NPVF: variants seen among roughly 807,000 people sequenced by gnomAD.
NPVF encodes pro-FMRFamide-related neuropeptide VF.
Under a neutral mutation model 15.7 loss-of-function variants are expected in NPVF, and 17 were observed. The observed-to-expected ratio is 1.08, with a 90% CI of 0.74 to 1.62. The LOEUF (loss-of-function observed/expected upper bound fraction) is 1.62. Ranked by LOEUF, NPVF falls within the 40% of genes most tolerant of loss-of-function variation. The pLI is 0.00. For missense variants in NPVF, 270 were observed against 225.2 expected (o/e 1.20, Z -1.27); for synonymous variants, 70 against 80.1 (o/e 0.87, Z 0.67).
chr7:25,227,559 G>T (rs1390908805), intron 1 of NPVF, among the ~76,000 whole-genome samples: 1 of 152,022 alleles, frequency 6.6e-6, no homozygotes, highest in Non-Finnish European at 1.5e-5. Context: ...CTTACTCAGG[G>T]TACCACTCTA....
Position 25,226,831 on chromosome 7 carries a change from A to T in NPVF, c.334T>A (p.Ser112Thr). ...AGGCTCACCTCCATATTTCTTCCAGATCTCAGAGGCAGGTTGGCTGTTGCT... is the reference window on the plus strand; with the variant it reads ...AGGCTCACCTCCATATTTCTTCCAGTTCTCAGAGGCAGGTTGGCTGTTGCT... Reference protein sequence around the residue: ...AGATANLPLRSGRNMEVSLVR... With the variant: ...AGATANLPLRTGRNMEVSLVR... The change falls in exon 2 of 3, where the codon TCT becomes ACT. Residue 112 changes from serine to threonine, a missense_variant. Physicochemically the swap from Ser to Thr is moderately conservative, Grantham distance 58. Coordinates refer to ENST00000222674, the MANE Select transcript of NPVF (RefSeq NM_022150.3). The T allele has an allele frequency of 6.2e-7, 1 of 1,614,132 alleles. No homozygotes were observed. Among genetic ancestry groups the T allele is most frequent in the Non-Finnish European group, 8.5e-7 (1 of 1,180,014 alleles).
chr7:25,226,151 T>C (rs1204355098), intron 2 of NPVF, among the ~76,000 whole-genome samples: 5 of 152,206 alleles, frequency 3.3e-5, no homozygotes, highest in African/African-American at 1.2e-4. Context: ...TTTCTTAATA[T>C]AAATAATGAT....
rs758679370 is a variant in NPVF, at chr7:25,225,185, G to A, written c.540-12C>T. 1 of 1,609,684 alleles carries A rather than the reference G, an allele frequency of 6.2e-7. No individual in the cohort carries two copies. Among genetic ancestry groups the A allele is most frequent in the Admixed American group, 1.7e-5 (1 of 59,836 alleles). ...TGAATAGCAGTCTCCTAAAATGTAAGCAGTATAAAATGTTGTCACCCATCA... is the reference window on the plus strand; with the variant it reads ...TGAATAGCAGTCTCCTAAAATGTAAACAGTATAAAATGTTGTCACCCATCA... On this transcript the variant is annotated splice_polypyrimidine_tract_variant and intron_variant, in intron 2 of 2. Coordinates refer to ENST00000222674, the MANE Select transcript of NPVF (RefSeq NM_022150.3).
At chr7:25,226,054 A>G (rs528229460) in intron 2 of NPVF, among the ~76,000 whole-genome samples, 7 of 152,310 alleles carry the variant, frequency 4.6e-5, no homozygotes, top group African/African-American at 1.2e-4. Flanking sequence ...TTTTTTAAGC[A>G]TACGCTCTCT....
chr7:25,226,648 T>C lies in NPVF; in HGVS notation c.517A>G (p.Asn173Asp), dbSNP rs1185260880. The C allele has an allele frequency of 1.2e-6, 2 of 1,613,782 alleles. No individual in the cohort carries two copies. Among genetic ancestry groups the C allele is most frequent in the African/African-American group, 2.7e-5 (2 of 74,938 alleles). Residue 173 changes from asparagine to aspartate, a missense_variant, in exon 2 of 3, where the codon AAT becomes GAT. Asn to Asp is a conservative substitution (Grantham distance 23). Coordinates refer to ENST00000222674, the MANE Select transcript of NPVF (RefSeq NM_022150.3). ...TACCTTGACTGTTTTTGATCGGGAT[T>C]CTGGATTTCTTGGTGCTGGCAGGTC... ...SMTCQHQEIQ[N>D]PDQKQSRRLL...
intron 2 of NPVF, among the ~76,000 whole-genome samples, chr7:25,226,150 A>G (rs184471100): frequency 3.9e-5 from 6 of 152,366 alleles, no homozygotes; most frequent in Admixed American, 2.6e-4. Context: ...ATTTCTTAAT[A>G]TAAATAATGA....
intron 2 of NPVF, 90 bp downstream of exon 2, chr7:25,226,536 C>G (rs935886368): frequency 1.4e-5 from 20 of 1,441,572 alleles, no homozygotes; most frequent in Middle Eastern, 3.6e-4. Flanking sequence ...GTCTTAGAAA[C>G]TTATGTTGAA....
rs754240079 is a variant in NPVF at position 25,226,592 on chromosome 7, G to T, written c.539+34C>A. 4 of 1,601,060 alleles carry T rather than the reference G, an allele frequency of 2.5e-6. No homozygotes were observed. The East Asian group carries it at 9.0e-5, about 36-fold the overall frequency. ...GTTTCTAGACCACCTCTATATAACT[G>T]CCCATGCACTTTGACTGGTTTCCAG... On this transcript the variant is annotated intron_variant, in intron 2 of 2. Coordinates refer to ENST00000222674, the MANE Select transcript of NPVF (RefSeq NM_022150.3).
In NPVF at chr7:25,228,296, A is replaced by C. The variant is rs779148474; in HGVS notation, c.138+6T>G. On this transcript the variant is annotated splice_donor_region_variant and intron_variant, in intron 1 of 2. Coordinates refer to ENST00000222674, the MANE Select transcript of NPVF (RefSeq NM_022150.3). ...TACTCACATTAGAGAGATTTAAAAA[A>C]CTTACCTCAGAATATTTGTCATAAT... 1 of 1,441,230 alleles carries C rather than the reference A, an allele frequency of 6.9e-7. No homozygotes were observed. The highest frequency in any genetic ancestry group is 9.7e-7 in the Non-Finnish European group (1 of 1,028,196). The allele number at this position is 1,441,230 out of a possible 1,614,324, so 89.3% of individuals were successfully genotyped here. A position where few individuals can be genotyped will look rare whatever the true frequency, so the allele number is the denominator to read the frequency against.
chr7:25,226,744 A>G lies in NPVF; in HGVS notation c.421T>C (p.Cys141Arg). The G allele has an allele frequency of 6.2e-7, 1 of 1,614,196 alleles. No homozygotes were observed. Among genetic ancestry groups the G allele is most frequent in the African/African-American group, 1.3e-5 (1 of 75,064 alleles). Residue 141 changes from cysteine to arginine, a missense_variant, in exon 2 of 3, where the codon TGC becomes CGC. Cys to Arg is a radical substitution (Grantham distance 180). Transcript: ENST00000222674. ...FGRTTTAKSV[C>R]RMLSDLCQGS... is the part of the protein sequence containing the mutation. Reference sequence around the variant, plus strand: ...TGACACAAATCACTCAGCATCCTGCAGACACTTTTGGCTGTTGTTGTTCTC... The same window carrying G: ...TGACACAAATCACTCAGCATCCTGCGGACACTTTTGGCTGTTGTTGTTCTC...
At position 25,224,674 on chromosome 7, in the gene NPVF, G is replaced by T. The variant is rs771099754; in HGVS notation, c.*448C>A. On this transcript the variant is annotated 3_prime_UTR_variant, in exon 3 of 3. Transcript: ENST00000222674. ...CATTAACATTTGACACGATAGAAAG[G>T]GTGTACAGAAACACGTTTGTAAGTG... 6.4e-6 allele frequency: 1 copy of T among 155,566 alleles called. No individual in the cohort carries two copies. Among genetic ancestry groups the T allele is most frequent in the African/African-American group, 2.4e-5 (1 of 41,450 alleles). 9.6% of individuals were successfully genotyped at this position (155,566 alleles called of 1,614,324 possible).
rs1317217285 is a variant in NPVF, at chr7:25,226,929, T to C, written c.236A>G (p.Asn79Ser). ...GTTGGCGAAGGAGTGTGGCATTTTA[T>C]TGACTGCAGGTGTACTCATCTTAAT... ...NVIKMSTPAV[N>S]KMPHSFANLP... is the part of the protein sequence containing the mutation. The change falls in exon 2 of 3, where the codon AAT (asparagine) becomes AGT (serine). Residue 79 changes from asparagine (N) to serine (S), a missense_variant. Transcript: ENST00000222674. 2 of 1,613,314 alleles carry C rather than the reference T, an allele frequency of 1.2e-6. No homozygotes were observed. Among genetic ancestry groups the C allele is most frequent in the South Asian group, 1.1e-5 (1 of 90,990 alleles).
intron 1 of NPVF, among the ~76,000 whole-genome samples, chr7:25,227,523 C>A (rs548997693): frequency 1.3e-5 from 2 of 152,084 alleles, no homozygotes; most frequent in Non-Finnish European, 2.9e-5. Flanking sequence ...TTGTAGAAGG[C>A]CCAGTGGATT....
At chr7:25,226,444 A>T (rs1266457727) in intron 2 of NPVF, among the ~76,000 whole-genome samples, 182 bp downstream of exon 2, 2 of 152,200 alleles carry the variant, frequency 1.3e-5, no homozygotes, top group African/African-American at 4.8e-5. Flanking sequence ...CATGCTTATT[A>T]TACCTGGCCT....
Position 25,227,692 on chromosome 7 carries a change from T to C in NPVF, c.138+610A>G, listed in dbSNP as rs186199255. 4.1e-3 allele frequency among the ~76,000 whole-genome samples: 623 copies of C among 152,342 alleles called. 2 individuals are homozygous for C. The highest frequency in any genetic ancestry group is 0.014 in the African/African-American group (593 of 41,582). ...CCAACTTTGTAGGAACCATCTCAAA[T>C]ACAGAGAATATTTAATTAGATTTAG... is the stretch of plus-strand genomic sequence containing the variant. On this transcript the variant is annotated intron_variant, in intron 1 of 2. Transcript: ENST00000222674.
rs1469215276 is a variant in NPVF, at chr7:25,228,402, G to C, written c.38C>G (p.Thr13Ser). ...IISSKLFILL[T>S]LATSSLLTSN... ...TGTTAACAAGCTTGAAGTGGCTAAA[G>C]TCAATAAAATGAATAGTTTTGATGA... is the stretch of plus-strand genomic sequence containing the variant. Residue 13 changes from threonine to serine, a missense_variant, in exon 1 of 3, where the codon ACT becomes AGT. Thr to Ser is a moderately conservative substitution (Grantham distance 58, BLOSUM62 1). Coordinates refer to ENST00000222674, the MANE Select transcript of NPVF (RefSeq NM_022150.3). 1 of 1,586,750 alleles carries C rather than the reference G, an allele frequency of 6.3e-7. No individual in the cohort carries two copies. The highest frequency in any genetic ancestry group is 1.3e-5 in the African/African-American group (1 of 74,308).
In NPVF at chr7:25,226,708, G is replaced by T; in HGVS notation, c.457C>A (p.His153Asn). The change falls in exon 2 of 3, where the codon CAT becomes AAT. Residue 153 changes from histidine to asparagine, a missense_variant. Transcript: ENST00000222674. ...AATAAGTCATTGGCACATGGTGAAT[G>T]CATGGATCCTTGACACAAATCACTC... ...MLSDLCQGSM[H>N]SPCANDLFYS... 1 of 1,614,200 alleles carries T rather than the reference G, an allele frequency of 6.2e-7. No individual in the cohort carries two copies.
chr7:25,227,041 G>A lies in NPVF; in HGVS notation c.139-15C>T, dbSNP rs541683568. The A allele has an allele frequency of 6.3e-7, 1 of 1,589,378 alleles. No homozygotes were observed. Among genetic ancestry groups the A allele is most frequent in the African/African-American group, 1.4e-5 (1 of 73,862 alleles). ...TATCCTCTAGGCTATAATTAGAAATGACCATTACAATAACATACTGTTGTT... is the reference window on the plus strand; with the variant it reads ...TATCCTCTAGGCTATAATTAGAAATAACCATTACAATAACATACTGTTGTT... On this transcript the variant is annotated splice_polypyrimidine_tract_variant and intron_variant, in intron 1 of 2. Coordinates refer to ENST00000222674, the MANE Select transcript of NPVF (RefSeq NM_022150.3).
At chr7:25,227,055 C>T in intron 1 of NPVF, 29 bp from the exon 2 acceptor site, 1 of 1,554,174 alleles carries the variant, frequency 6.4e-7, no homozygotes, top group Non-Finnish European at 8.7e-7. Context: ...ATTACAATAA[C>T]ATACTGTTGT....
Sources: gnomAD v4.1 joint callset for allele counts (sites outside exome capture counted in the v4.1 genomes callset) on GRCh38, gnomAD v4.1.1 for gene constraint, MANE v1.5 for transcripts, NCBI Gene and HGNC (gene_info 2026-07-23, HGNC 2026-07-21) for gene names.